Variants in SLC5A4 observed in about 807,000 individuals in gnomAD.
SLC5A4 encodes the protein solute carrier family 5 member 4.
In SLC5A4, 55 loss-of-function variants were observed where a neutral mutation model predicts 70.3. The observed-to-expected ratio is 0.78, with a 90% confidence interval of 0.63 to 0.98. SLC5A4 has a LOEUF of 0.98. Ranked by LOEUF, SLC5A4 falls within the 50% of genes least tolerant of loss-of-function variation. The probability of loss-of-function intolerance (pLI) is 0.00; values close to 1 mark genes in which losing one functional copy is unlikely to be tolerated. For synonymous variants in SLC5A4, 268 were observed against 305.7 expected, an observed-to-expected ratio of 0.88 and a Z score of 1.29; for missense variants, 735 against 839.2, an observed-to-expected ratio of 0.88 and a Z score of 1.53.
rs5753892 is a variant in SLC5A4, at chr22:32,224,128, A to G, written c.1665+139T>C. The G allele has an allele frequency of 5.1e-3, 3,335 of 648,598 alleles. 14 individuals are homozygous for G. The highest frequency in any genetic ancestry group is 6.3e-3 in the South Asian group (345 of 55,044). 40.2% of individuals were successfully genotyped at this position (648,598 alleles called of 1,614,324 possible). ...GTAGAGACAAGGTTTCACCGTGTTA[A>G]CCAGGATGGTCTCCATCTCCTGACC... On this transcript the variant is annotated intron_variant, in intron 13 of 14. Transcript: ENST00000266086.
the SLC5A4 span, among the ~76,000 whole-genome samples, chr22:32,279,907 G>A: frequency 6.6e-6 from 1 of 152,164 alleles, no homozygotes; most frequent in African/African-American, 2.4e-5. Flanking sequence ...GGGGAAGGTG[G>A]GGAGGTGACC....
At chr22:32,309,407 T>G in the SLC5A4 span, among the ~76,000 whole-genome samples, 1 of 152,096 alleles carries the variant, frequency 6.6e-6, no homozygotes, top group Non-Finnish European at 1.5e-5. Flanking sequence ...TACATGGTGA[T>G]GGACAGAAGC....
chr22:32,334,096 C>T, the SLC5A4 span, among the ~76,000 whole-genome samples: 1 of 150,602 alleles, frequency 6.6e-6, no homozygotes, highest in Non-Finnish European at 1.5e-5. Context: ...CACACACACA[C>T]ACATCACATA....
At chr22:32,260,890 T>G in the SLC5A4 span, among the ~76,000 whole-genome samples, 2 of 152,164 alleles carry the variant, frequency 1.3e-5, no homozygotes, top group South Asian at 4.2e-4. Flanking sequence ...CTGGCCAACA[T>G]GGTGAAACCC....
intron 10 of SLC5A4, among the ~76,000 whole-genome samples, chr22:32,229,610 C>T (rs1185213175): frequency 6.6e-6 from 1 of 151,934 alleles, no homozygotes; most frequent in Non-Finnish European, 1.5e-5. Context: ...GAACTCATGG[C>T]TATAGAGAGC....
the SLC5A4 span, among the ~76,000 whole-genome samples, chr22:32,318,371 T>C: frequency 1.3e-5 from 2 of 152,128 alleles, no homozygotes; most frequent in African/African-American, 4.8e-5. Flanking sequence ...CAAATTGATA[T>C]TTAATAGACA....
the SLC5A4 span, among the ~76,000 whole-genome samples, chr22:32,314,253 C>CT: frequency 6.6e-6 from 1 of 152,164 alleles, no homozygotes; most frequent in East Asian, 1.9e-4. Context: ...TAGCACACAC[C>CT]TCTATCCAGC....
chr22:32,331,018 T>C, the SLC5A4 span, among the ~76,000 whole-genome samples: 1 of 16,720 alleles, frequency 6.0e-5, no homozygotes, highest in Non-Finnish European at 1.1e-4. Context: ...GGGGCTCTGG[T>C]GTGTGTGTGT....
chr22:32,251,434 T>C (rs1927150259), intron 3 of SLC5A4, among the ~76,000 whole-genome samples: 1 of 151,952 alleles, frequency 6.6e-6, no homozygotes, highest in Non-Finnish European at 1.5e-5. Flanking sequence ...TTTTAAAAAA[T>C]GAGTTTCACC....
chr22:32,231,814 C>T (rs1925782218), intron 9 of SLC5A4, among the ~76,000 whole-genome samples: 1 of 152,086 alleles, frequency 6.6e-6, no homozygotes, highest in Middle Eastern at 3.2e-3. Context: ...AGTCTTCAGT[C>T]TCCTGTTTTC....
chr22:32,218,999 T>C (rs182630532), intron 14 of SLC5A4, among the ~76,000 whole-genome samples: 10 of 152,308 alleles, frequency 6.6e-5, no homozygotes, highest in Non-Finnish European at 1.2e-4. Flanking sequence ...TAATATATAA[T>C]GGGTTTCTAA....
the SLC5A4 span, among the ~76,000 whole-genome samples, chr22:32,342,346 CTAA>C: frequency 1.3e-5 from 2 of 152,162 alleles, no homozygotes; most frequent in African/African-American, 2.4e-5. Context: ...AAATCTGTAA[CTAA>C]TAATGATGGA....
At chr22:32,336,372 A>C in the SLC5A4 span, among the ~76,000 whole-genome samples, 2 of 152,322 alleles carry the variant, frequency 1.3e-5, no homozygotes, top group East Asian at 3.9e-4. Context: ...TTACTCACGC[A>C]AGCTGGCATC....
the SLC5A4 span, among the ~76,000 whole-genome samples, chr22:32,347,363 C>A: frequency 6.6e-6 from 1 of 152,070 alleles, no homozygotes; most frequent in Admixed American, 6.5e-5. Flanking sequence ...GGGTATATAC[C>A]CAAAGGATTA....
At chr22:32,324,267 G>GTATATATATATATACACATATATGTA in the SLC5A4 span, among the ~76,000 whole-genome samples, 3 of 121,366 alleles carry the variant, frequency 2.5e-5, no homozygotes, top group Admixed American at 2.7e-4. Context: ...ACACATATAT[G>GTATATATATATATACACATATATGTA]TATATATATA....
the SLC5A4 span, among the ~76,000 whole-genome samples, chr22:32,308,510 A>C: frequency 1.3e-5 from 2 of 152,340 alleles, 1 homozygote; most frequent in Middle Eastern, 6.8e-3. Flanking sequence ...TCTGTTTGAC[A>C]TGACCTGAAG....
the SLC5A4 span, among the ~76,000 whole-genome samples, chr22:32,320,504 T>C: frequency 6.6e-6 from 1 of 152,276 alleles, no homozygotes; most frequent in Non-Finnish European, 1.5e-5. Context: ...TCCTGCACAA[T>C]GGAGAGCCAT....
chr22:32,320,736 A>AAAAC, the SLC5A4 span, among the ~76,000 whole-genome samples: 81,205 of 151,802 alleles, frequency 0.53, 22,052 homozygotes, highest in East Asian at 0.72. Context: ...CTGCTTTAAA[A>AAAAC]AAAATCTATT....
chr22:32,305,365 T>A, the SLC5A4 span, among the ~76,000 whole-genome samples: 1 of 150,388 alleles, frequency 6.6e-6, no homozygotes, highest in East Asian at 1.9e-4. Context: ...TTCACATTGC[T>A]GCCTTGTGTA....
Sources: allele counts gnomAD v4.1 joint callset (sites outside exome capture counted in the v4.1 genomes callset), GRCh38; gene constraint gnomAD v4.1.1; transcripts MANE v1.5; gene names NCBI Gene and HGNC (gene_info 2026-07-23, HGNC 2026-07-21).